Variants in ZNF345 observed in about 807,000 individuals in gnomAD.
ZNF345 encodes the protein zinc finger protein HZF10.
For synonymous variants in ZNF345, 166 were observed against 187.9 expected (o/e 0.88, Z 0.95); for missense variants, 527 against 589.9 (o/e 0.89, Z 1.10).
At chr19:36,868,922 C>G (rs2072720222) in intron 2 of ZNF345, among the ~76,000 whole-genome samples, 1 of 152,126 alleles carries the variant, frequency 6.6e-6, no homozygotes, top group South Asian at 2.1e-4. Context: ...CTTTTCATTT[C>G]AAAGGCCACT....
At chr19:36,863,954 T>C (rs2072607736) in intron 2 of ZNF345, among the ~76,000 whole-genome samples, 1 of 152,232 alleles carries the variant, frequency 6.6e-6, no homozygotes, top group South Asian at 2.1e-4. Context: ...GGCATGGAAC[T>C]CTGCACTGCA....
chr19:36,885,500 T>C (rs1364062659), intron 3 of ZNF345, among the ~76,000 whole-genome samples: 1 of 152,130 alleles, frequency 6.6e-6, no homozygotes, highest in Non-Finnish European at 1.5e-5. Context: ...TTGGAGTTTT[T>C]AATTTTAATG....
At chr19:36,891,697 G>T in intron 3 of ZNF345, 1 of 1,613,952 alleles carries the variant, frequency 6.2e-7, no homozygotes, top group Non-Finnish European at 8.5e-7. Flanking sequence ...AATAAGTTCT[G>T]AGCTCTGAAT....
intron 3 of ZNF345, chr19:36,892,126 C>G: frequency 6.2e-7 from 1 of 1,613,990 alleles, no homozygotes; most frequent in Non-Finnish European, 8.5e-7. Flanking sequence ...TGAACTACAA[C>G]TAAAAGCCTT....
chr19:36,878,181 G>A lies in ZNF345; in HGVS notation c.1351G>A (p.Glu451Lys). Residue 451 changes from glutamate to lysine, a missense_variant, in exon 3 of 3, where the codon GAG becomes AAG. Coordinates refer to ENST00000420450, the MANE Select transcript of ZNF345 (RefSeq NM_001242472.2). ...LTQHQRIHTG[E>K]KLYECKNCGK... The stretch of plus-strand genomic sequence containing the variant: ...TCAGCATCAGAGAATTCATACAGGT[G>A]AGAAACTTTATGAATGTAAGAACTG... 2 of 1,614,172 alleles carry A rather than the reference G, an allele frequency of 1.2e-6. No individual in the cohort carries two copies. Among genetic ancestry groups the A allele is most frequent in the South Asian group, 1.1e-5 (1 of 91,078 alleles).
intron 2 of ZNF345, among the ~76,000 whole-genome samples, chr19:36,857,062 T>C (rs1201835688): frequency 1.3e-5 from 2 of 152,134 alleles, no homozygotes; most frequent in Non-Finnish European, 2.9e-5. Context: ...GTGTAACCTG[T>C]GTTTATTATG....
chr19:36,875,451 A>G (rs1199788556), intron 2 of ZNF345, among the ~76,000 whole-genome samples: 3 of 152,136 alleles, frequency 2.0e-5, no homozygotes, highest in Non-Finnish European at 2.9e-5. Context: ...TTGAAGAACT[A>G]TGAAGACTAC....
At chr19:36,855,257 C>T (rs1450665621) in intron 2 of ZNF345, among the ~76,000 whole-genome samples, 2 of 151,848 alleles carry the variant, frequency 1.3e-5, no homozygotes, top group Non-Finnish European at 2.9e-5. Context: ...ATTCTCCTGC[C>T]TCAGCCTCCC....
intron 3 of ZNF345, among the ~76,000 whole-genome samples, chr19:36,886,949 G>A (rs1346634053): frequency 2.0e-4 from 30 of 146,672 alleles, no homozygotes; most frequent in Non-Finnish European, 6.0e-5. Context: ...AGCCGGGATA[G>A]CGCCACTGCA....
At chr19:36,887,675 G>A (rs1258040011) in intron 3 of ZNF345, among the ~76,000 whole-genome samples, 13 of 152,096 alleles carry the variant, frequency 8.5e-5, no homozygotes, top group Non-Finnish European at 1.9e-4. Context: ...TTTACAAAAG[G>A]AACACACGTA....
intron 2 of ZNF345, among the ~76,000 whole-genome samples, chr19:36,856,849 C>CA (rs35856079): frequency 0.018 from 1,890 of 106,630 alleles, 20 homozygotes; most frequent in East Asian, 0.094. Flanking sequence ...GACTCCGTCT[C>CA]AAAAAAAAAA....
chr19:36,885,758 T>G (rs142091208), intron 3 of ZNF345, among the ~76,000 whole-genome samples: 16 of 152,288 alleles, frequency 1.1e-4, no homozygotes, highest in Admixed American at 1.0e-3. Context: ...AAGAGACACA[T>G]AGAATGAAGT....
chr19:36,865,488 TCTCA>T (rs1019447713), intron 2 of ZNF345, among the ~76,000 whole-genome samples: 1 of 152,046 alleles, frequency 6.6e-6, no homozygotes, highest in African/African-American at 2.4e-5. Context: ...AGAGACAGAG[TCTCA>T]CTCTGTCACA....
intron 2 of ZNF345, among the ~76,000 whole-genome samples, chr19:36,875,470 T>A (rs1238154987): frequency 6.6e-6 from 1 of 152,102 alleles, no homozygotes; most frequent in African/African-American, 2.4e-5. Flanking sequence ...ACATAGTAGC[T>A]ACAGCTTATT....
chr19:36,863,363 A>G (rs2072594626), intron 2 of ZNF345, among the ~76,000 whole-genome samples: 2 of 152,188 alleles, frequency 1.3e-5, no homozygotes, highest in Non-Finnish European at 2.9e-5. Context: ...ACTACTCCAG[A>G]TGATGTTATC....
chr19:36,863,143 A>T (rs756856629), intron 2 of ZNF345: 3 of 152,188 alleles, frequency 2.0e-5, no homozygotes, highest in Non-Finnish European at 2.9e-5. Context: ...GCCCTAGCAA[A>T]CTAATACGGT....
chr19:36,880,480 A>G (rs1320291922), downstream of ZNF345, among the ~76,000 whole-genome samples: 1 of 152,176 alleles, frequency 6.6e-6, no homozygotes, highest in Non-Finnish European at 1.5e-5. Context: ...ACTCATCTGC[A>G]TGATTCTTTG....
chr19:36,860,150 G>A (rs200438121), intron 2 of ZNF345, among the ~76,000 whole-genome samples: 1 of 151,910 alleles, frequency 6.6e-6, no homozygotes, highest in African/African-American at 2.4e-5. Flanking sequence ...GTAGAGATGG[G>A]GTTTCACCGT....
At chr19:36,858,291 A>T (rs2072466494) in intron 2 of ZNF345, 1 of 153,258 alleles carries the variant, frequency 6.5e-6, no homozygotes, top group Admixed American at 6.5e-5. Context: ...ACTGGTTGTG[A>T]TCAATTAGTT....
Sources: gnomAD v4.1 joint callset for allele counts (sites outside exome capture counted in the v4.1 genomes callset) on GRCh38, gnomAD v4.1.1 for gene constraint, MANE v1.5 for transcripts, NCBI Gene and HGNC (gene_info 2026-07-23, HGNC 2026-07-21) for gene names.